The following ARGLU1 variants were observed in gnomAD, a reference collection of about 807,000 sequenced individuals.
ARGLU1 encodes arginine and glutamate-rich protein 1.
A neutral mutation model predicts 37.6 loss-of-function variants in ARGLU1; 9 were observed. The observed-to-expected ratio is 0.24, with a 90% CI of 0.14 to 0.42. The LOEUF (loss-of-function observed/expected upper bound fraction) is 0.42, where lower values mean the gene tolerates loss of function less well. ARGLU1 is among the 10% of genes least tolerant of loss of function. The pLI, the probability that ARGLU1 is intolerant of heterozygous loss-of-function variation, is 1.00. For missense variants in ARGLU1, 211 were observed against 359.2 expected, an observed-to-expected ratio of 0.59 and a Z score of 3.34; for synonymous variants, 166 against 138.5, an observed-to-expected ratio of 1.20 and a Z score of -1.39.
Position 106,567,573 on chromosome 13 carries a change from A to C in ARGLU1, c.347T>G (p.Ile116Ser), listed in dbSNP as rs1277679351. Residue 116 changes from isoleucine (I) to serine (S), a missense_variant and splice_region_variant, in exon 1 of 4, where the codon ATT becomes AGT. Physicochemically the swap from Ile to Ser is moderately radical, Grantham distance 142. Transcript: ENST00000400198. This position sits in a 1 kb window ranked among gnomAD's most constrained non-coding sequence, Gnocchi z 4.3. ...GGTCCCTCCCCGCGCGGGCACTCAC[A>C]TTTTTCGCTGCCGCTCGAACTCCGC... ...KKAEFERQRK[I>S]RQQEIEEKLI... 3 of 1,605,422 alleles carry C rather than the reference A, an allele frequency of 1.9e-6. No individual in the cohort carries two copies. The African/African-American group carries it at 4.1e-5, about 22-fold the overall frequency.
intron 1 of ARGLU1, among the ~76,000 whole-genome samples, chr13:106,564,433 A>C (rs1406290044): frequency 6.6e-6 from 1 of 152,220 alleles, no homozygotes; most frequent in Non-Finnish European, 1.5e-5. Context: ...TAAGTGGTAA[A>C]CCAATAAGGT....
chr13:106,551,938 T>A (rs1880541933), intron 3 of ARGLU1, among the ~76,000 whole-genome samples: 1 of 152,192 alleles, frequency 6.6e-6, no homozygotes, highest in Non-Finnish European at 1.5e-5. Context: ...AACTCCCCAT[T>A]GCAAGATACT....
At chr13:106,544,987 CTT>C (rs971186366) in intron 3 of ARGLU1, among the ~76,000 whole-genome samples, 1 of 152,212 alleles carries the variant, frequency 6.6e-6, no homozygotes, top group Non-Finnish European at 1.5e-5. Context: ...ATTTCCCCCT[CTT>C]TACCAAAGTC....
At chr13:106,550,257 G>A (rs1880501641) in intron 3 of ARGLU1, among the ~76,000 whole-genome samples, 1 of 152,078 alleles carries the variant, frequency 6.6e-6, no homozygotes, top group Non-Finnish European at 1.5e-5. Flanking sequence ...GGTGATTCAA[G>A]GCCCCATCTT....
At chr13:106,545,528 CCACA>C (rs1880366632) in intron 3 of ARGLU1, among the ~76,000 whole-genome samples, 2 of 152,208 alleles carry the variant, frequency 1.3e-5, no homozygotes, top group South Asian at 4.1e-4. Flanking sequence ...TTCTCTAATG[CCACA>C]CACTAATTAC....
intron 1 of ARGLU1, among the ~76,000 whole-genome samples, chr13:106,563,023 A>C (rs1339666562): frequency 2.8e-5 from 4 of 143,408 alleles, no homozygotes; most frequent in African/African-American, 1.0e-4. Flanking sequence ...AAAAAAAACC[A>C]CTAGTCACAC....
chr13:106,548,997 T>G (rs987029694), intron 3 of ARGLU1, among the ~76,000 whole-genome samples: 3 of 152,166 alleles, frequency 2.0e-5, no homozygotes, highest in African/African-American at 7.2e-5. Context: ...GTGATCCGCC[T>G]GCCCTGGCCT....
At chr13:106,560,132 G>C (rs1332448487) in intron 1 of ARGLU1, among the ~76,000 whole-genome samples, 1 of 152,196 alleles carries the variant, frequency 6.6e-6, no homozygotes, top group Non-Finnish European at 1.5e-5. Flanking sequence ...AATACAGATT[G>C]AAGAGATTCA....
rs1398679300 is a variant in ARGLU1, at chr13:106,559,661, GCAAA to G, written c.348-8_348-5del. 16 of 1,602,848 alleles carry G rather than the reference GCAAA, an allele frequency of 1.0e-5. No homozygotes were observed. The highest frequency in any genetic ancestry group is 1.4e-5 in the Non-Finnish European group (16 of 1,175,366). On this transcript the variant is annotated splice_polypyrimidine_tract_variant and splice_region_variant and intron_variant, in intron 1 of 3. Transcript: ENST00000400198. ...TTCTTCTATTTCTTGCTGTCGACTA[GCAAA>G]CAAAGTGAAAAAAACAAGTTAGGTA... is the stretch of plus-strand genomic sequence containing the variant.
intron 2 of ARGLU1, chr13:106,558,337 G>C: frequency 3.0e-6 from 3 of 985,094 alleles, no homozygotes; most frequent in Non-Finnish European, 3.6e-6. Flanking sequence ...CAGGACAAGG[G>C]AAAATGCATT....
chr13:106,566,936 C>CTT (rs372122125), intron 1 of ARGLU1, among the ~76,000 whole-genome samples: 8 of 145,982 alleles, frequency 5.5e-5, no homozygotes, highest in African/African-American at 2.0e-4. Context: ...AAGGTCTATG[C>CTT]TTTTTTTTTT....
intron 1 of ARGLU1, among the ~76,000 whole-genome samples, chr13:106,560,662 T>C (rs1880773583): frequency 6.6e-6 from 1 of 152,252 alleles, no homozygotes; most frequent in African/African-American, 2.4e-5. Flanking sequence ...ATATTGTTCA[T>C]ACTATTTCTA....
Position 106,558,606 on chromosome 13 carries a change from G to A in ARGLU1, c.573+826C>T, listed in dbSNP as rs982296357. 6 of 985,262 alleles carry A rather than the reference G, an allele frequency of 6.1e-6. No homozygotes were observed. In the African/African-American group the frequency reaches 8.7e-5, roughly 14 times the overall value. The allele number at this position is 985,262 out of a possible 1,614,324, so 61.0% of individuals were successfully genotyped here. A position where few individuals can be genotyped will look rare whatever the true frequency, so the allele number is the denominator to read the frequency against. On this transcript the variant is annotated intron_variant, in intron 2 of 3. Coordinates refer to ENST00000400198, the MANE Select transcript of ARGLU1 (RefSeq NM_018011.4). Reference sequence around the variant, plus strand: ...GACTTTCACCAAGTTTTTGGATCCTGGAGTAATCAGTGCAAACAAGCCATA... The same window carrying A: ...GACTTTCACCAAGTTTTTGGATCCTAGAGTAATCAGTGCAAACAAGCCATA...
chr13:106,559,768 T>C (rs1476202847), intron 1 of ARGLU1, 111 bp from the exon 2 acceptor site: 9 of 1,183,644 alleles, frequency 7.6e-6, no homozygotes, highest in Non-Finnish European at 9.4e-6. Context: ...TATTCAGTGA[T>C]TTTTTCAGAA....
rs942419453 is a variant in ARGLU1, at chr13:106,557,114, T to C, written c.591A>G (p.Lys197=). The C allele has an allele frequency of 2.5e-6, 4 of 1,613,850 alleles. No individual in the cohort carries two copies. The highest frequency in any genetic ancestry group is 3.4e-6 in the Non-Finnish European group (4 of 1,179,788). The part of the protein sequence containing the change: ...QKAREEEERA[K]REELERILEE... ...CCAGTATTCGCTCTAGCTCCTCACG[T>C]TTTGCACGTTCTTCCTCCTAAAGGG... Residue 197 remains lysine (K), a synonymous_variant, in exon 3 of 4, where the codon AAA becomes AAG. Transcript: ENST00000400198. This position sits in a 1 kb window ranked among gnomAD's most constrained non-coding sequence, Gnocchi z 5.0.
intron 3 of ARGLU1, among the ~76,000 whole-genome samples, chr13:106,548,208 C>T (rs913523652): frequency 6.6e-6 from 1 of 152,124 alleles, no homozygotes; most frequent in African/African-American, 2.4e-5. Context: ...ACACTAACAA[C>T]CGTCATCTCT....
chr13:106,547,626 G>A (rs1203839027), intron 3 of ARGLU1, among the ~76,000 whole-genome samples: 1 of 152,140 alleles, frequency 6.6e-6, no homozygotes, highest in African/African-American at 2.4e-5. Flanking sequence ...AAAGTTCCTT[G>A]TGTACATGCT....
chr13:106,550,866 G>C (rs565491352), intron 3 of ARGLU1, among the ~76,000 whole-genome samples: 2 of 152,246 alleles, frequency 1.3e-5, no homozygotes, highest in African/African-American at 4.8e-5. Context: ...TATGTGCATG[G>C]ATTCTGTCAG....
intron 3 of ARGLU1, among the ~76,000 whole-genome samples, chr13:106,553,893 T>A (rs563344813): frequency 5.8e-4 from 89 of 152,354 alleles, no homozygotes; most frequent in African/African-American, 2.0e-3. Context: ...CTTCTTAGCA[T>A]ACATAAAGTT....
Sources: allele counts gnomAD v4.1 joint callset (sites outside exome capture counted in the v4.1 genomes callset), GRCh38; gene constraint gnomAD v4.1.1; non-coding constraint Gnocchi (gnomAD v3.1); transcripts MANE v1.5; gene names NCBI Gene and HGNC (gene_info 2026-07-23, HGNC 2026-07-21).